Variants in GRM1 observed in about 807,000 individuals in gnomAD.
The protein encoded by GRM1 is glutamate metabotropic receptor 1.
A neutral mutation model predicts 90.9 loss-of-function variants in GRM1; 33 were observed. The ratio of observed to expected loss-of-function variants is 0.36; its 90% confidence interval spans 0.28 to 0.49. The LOEUF is 0.49. Ranked by LOEUF, GRM1 falls within the 20% of genes least tolerant of loss-of-function variation. GRM1 has a pLI of 0.99. For missense variants in GRM1, 1,190 were observed against 1,534.3 expected, an observed-to-expected ratio of 0.78 and a Z score of 3.75; for synonymous variants, 700 against 613.2, an observed-to-expected ratio of 1.14 and a Z score of -2.09.
chr6:146,322,434 C>T (rs953833355), intron 3 of GRM1, among the ~76,000 whole-genome samples: 7 of 152,102 alleles, frequency 4.6e-5, no homozygotes, highest in African/African-American at 1.2e-4. Context: ...GCTGGGAGAC[C>T]CACTGCTCTC....
chr6:146,279,959 G>A (rs915088335), intron 2 of GRM1, among the ~76,000 whole-genome samples: 1 of 152,076 alleles, frequency 6.6e-6, no homozygotes, highest in Admixed American at 6.6e-5. Flanking sequence ...CAGAAATGTG[G>A]TGGGACTAGG....
chr6:146,053,799 C>T (rs1383210064), intron 1 of GRM1, among the ~76,000 whole-genome samples: 1 of 152,022 alleles, frequency 6.6e-6, no homozygotes, highest in East Asian at 1.9e-4. Flanking sequence ...AATTCTGCTG[C>T]ACAGCCAAAT....
At chr6:146,137,509 T>G (rs1485489222) in intron 1 of GRM1, among the ~76,000 whole-genome samples, 1 of 152,232 alleles carries the variant, frequency 6.6e-6, no homozygotes, top group East Asian at 1.9e-4. Flanking sequence ...CTCTATTCTG[T>G]TACATTGGTC....
At position 146,347,903 on chromosome 6, in the gene GRM1, C is replaced by T. The variant is rs1002467831; in HGVS notation, c.1187-4347C>T. Among the ~76,000 whole-genome samples the T allele has an allele frequency of 7.2e-5, 11 of 152,232 alleles. No individual in the cohort carries two copies. The South Asian group carries it at 1.9e-3, about 26-fold the overall frequency. On this transcript the variant is annotated intron_variant, in intron 3 of 7. Coordinates refer to ENST00000282753, the MANE Select transcript of GRM1 (RefSeq NM_001278064.2). ...CTGCGTGCTGCTGCACTCAGGTAGC[C>T]GTTTATAGCCCTTGTTGAGCTTTCA...
At chr6:146,345,995 CA>C (rs1292266873) in intron 3 of GRM1, among the ~76,000 whole-genome samples, 2 of 152,216 alleles carry the variant, frequency 1.3e-5, no homozygotes, top group African/African-American at 4.8e-5. Context: ...AGCAAAGGCA[CA>C]CAGCAAGCAG....
chr6:146,044,792 GA>G (rs564457989), intron 1 of GRM1, among the ~76,000 whole-genome samples: 9 of 151,512 alleles, frequency 5.9e-5, no homozygotes, highest in South Asian at 2.1e-4. Flanking sequence ...TCTTAAAAAT[GA>G]AAAAAAATCG....
At chr6:146,163,632 GA>G (rs1054120787) in intron 2 of GRM1, among the ~76,000 whole-genome samples, 2 of 152,152 alleles carry the variant, frequency 1.3e-5, no homozygotes, top group African/African-American at 4.8e-5. Flanking sequence ...AACAAAACAT[GA>G]GATAAGAGTT....
At chr6:146,318,045 G>A (rs1417856709) in intron 3 of GRM1, among the ~76,000 whole-genome samples, 2 of 152,196 alleles carry the variant, frequency 1.3e-5, no homozygotes, top group Non-Finnish European at 2.9e-5. Context: ...TACATGTGCA[G>A]AATGCACAGG....
At chr6:146,302,686 G>A (rs1430535262) in intron 2 of GRM1, among the ~76,000 whole-genome samples, 1 of 151,922 alleles carries the variant, frequency 6.6e-6, no homozygotes, top group Non-Finnish European at 1.5e-5. Flanking sequence ...TTTTTCTTTA[G>A]CCTCATAGAG....
At chr6:146,227,294 A>G (rs1335988579) in intron 2 of GRM1, among the ~76,000 whole-genome samples, 1 of 151,960 alleles carries the variant, frequency 6.6e-6, no homozygotes. Context: ...CCACTTTCAC[A>G]GTGGGGTTTG....
intron 1 of GRM1, among the ~76,000 whole-genome samples, chr6:146,060,902 G>T (rs1346786051): frequency 6.6e-6 from 1 of 152,034 alleles, no homozygotes; most frequent in East Asian, 1.9e-4. Flanking sequence ...CCACAACCTT[G>T]CCAGCATCTG....
intron 2 of GRM1, among the ~76,000 whole-genome samples, chr6:146,232,312 G>T (rs866970557): frequency 6.6e-6 from 1 of 152,042 alleles, no homozygotes; most frequent in South Asian, 2.1e-4. Context: ...TATCTTCTTT[G>T]TCTATCCACA....
intron 6 of GRM1, 38 bp downstream of exon 6, chr6:146,387,054 A>G: frequency 1.2e-6 from 2 of 1,605,214 alleles, no homozygotes; most frequent in Non-Finnish European, 1.7e-6. Context: ...GTGCCTCACT[A>G]TTTGCCTTTC....
At chr6:146,267,726 G>A (rs1781970104) in intron 2 of GRM1, among the ~76,000 whole-genome samples, 2 of 149,212 alleles carry the variant, frequency 1.3e-5, no homozygotes, top group African/African-American at 4.9e-5. Context: ...GTCTCGTCTC[G>A]TCTCGTCTCG....
At chr6:146,069,801 CT>C (rs1775967060) in intron 1 of GRM1, among the ~76,000 whole-genome samples, 6 of 152,192 alleles carry the variant, frequency 3.9e-5, no homozygotes, top group Middle Eastern at 6.3e-3. Flanking sequence ...ACCACTATTT[CT>C]ATGACCACTA....
At chr6:146,413,088 T>C (rs1172351364) in intron 7 of GRM1, among the ~76,000 whole-genome samples, 1 of 152,174 alleles carries the variant, frequency 6.6e-6, no homozygotes, top group Admixed American at 6.5e-5. Flanking sequence ...GACTAAAACT[T>C]AGATTTTGCT....
At chr6:146,220,923 C>A (rs1300588530) in intron 2 of GRM1, among the ~76,000 whole-genome samples, 3 of 151,862 alleles carry the variant, frequency 2.0e-5, no homozygotes, top group Non-Finnish European at 2.9e-5. Context: ...GAAGAAATAG[C>A]ATGTGCATAG....
intron 2 of GRM1, among the ~76,000 whole-genome samples, chr6:146,198,573 T>C (rs1327934350): frequency 1.2e-4 from 18 of 152,074 alleles, no homozygotes; most frequent in Non-Finnish European, 2.5e-4. Context: ...AAATCACCAT[T>C]GGGTAGGTCC....
intron 6 of GRM1, among the ~76,000 whole-genome samples, chr6:146,394,024 T>C (rs571635464): frequency 6.6e-6 from 1 of 152,290 alleles, no homozygotes; most frequent in South Asian, 2.1e-4. Flanking sequence ...AAGGATTCTC[T>C]ATTTAATAAA....
Sources: gnomAD v4.1 joint callset for allele counts (sites outside exome capture counted in the v4.1 genomes callset) on GRCh38, gnomAD v4.1.1 for gene constraint, MANE v1.5 for transcripts, NCBI Gene and HGNC (gene_info 2026-07-23, HGNC 2026-07-21) for gene names.